Variants in PRELID2 observed in about 807,000 individuals in gnomAD.
PRELID2 encodes the protein PRELI domain-containing protein 2.
Under a neutral mutation model 28.4 loss-of-function variants are expected in PRELID2, and 25 were observed. The ratio of observed to expected loss-of-function variants is 0.88; its 90% confidence interval spans 0.64 to 1.23. The LOEUF (loss-of-function observed/expected upper bound fraction) is 1.23, where lower values mean the gene tolerates loss of function less well. PRELID2 is among the 50% of genes most tolerant of loss of function. PRELID2 has a pLI of 0.00. For missense variants in PRELID2, 201 were observed against 214.4 expected (o/e 0.94, Z 0.39); for synonymous variants, 76 against 71.6 (o/e 1.06, Z -0.31).
chr5:145,741,081 TAA>T (rs1267460548), intron 1 of PRELID2, among the ~76,000 whole-genome samples: 2 of 118,114 alleles, frequency 1.7e-5, no homozygotes, highest in African/African-American at 6.8e-5. Context: ...TATGTATAAA[TAA>T]AATAAATATA....
At chr5:145,352,991 A>C in the PRELID2 span, among the ~76,000 whole-genome samples, 1 of 152,152 alleles carries the variant, frequency 6.6e-6, no homozygotes, top group Admixed American at 6.5e-5. Flanking sequence ...GATTTTAGGA[A>C]GTTCCAAACT....
intron 1 of PRELID2, among the ~76,000 whole-genome samples, chr5:145,673,046 G>A (rs1297515364): frequency 1.3e-5 from 2 of 152,158 alleles, no homozygotes; most frequent in Non-Finnish European, 2.9e-5. Context: ...GAAATAGAGT[G>A]CCAGAAAAGC....
intron 1 of PRELID2, among the ~76,000 whole-genome samples, chr5:145,682,922 C>G (rs991746364): frequency 6.6e-6 from 1 of 152,154 alleles, no homozygotes; most frequent in Non-Finnish European, 1.5e-5. Flanking sequence ...ATTATAAGCA[C>G]AGTGTTACAT....
intron 1 of PRELID2, among the ~76,000 whole-genome samples, chr5:145,528,118 A>T (rs561819769): frequency 1.4e-4 from 21 of 152,136 alleles, no homozygotes. Context: ...CTCAGGAAAG[A>T]CTTCTTAGAC....
chr5:145,531,187 G>A (rs570097472), intron 1 of PRELID2, among the ~76,000 whole-genome samples: 4 of 152,070 alleles, frequency 2.6e-5, no homozygotes, highest in East Asian at 1.9e-4. Flanking sequence ...CATGCAGCCC[G>A]TGTGCATTGT....
chr5:145,584,650 A>ACCTAGCAGCTAGCACCT (rs373192393), intron 1 of PRELID2, among the ~76,000 whole-genome samples: 4,894 of 152,256 alleles, frequency 0.032, 241 homozygotes, highest in African/African-American at 0.11. Flanking sequence ...TTCTCAAAAG[A>ACCTAGCAGCTAGCACCT]AGACATTCAC....
At chr5:145,481,404 C>T (rs1228374563) in intron 1 of PRELID2, among the ~76,000 whole-genome samples, 1 of 151,556 alleles carries the variant, frequency 6.6e-6, no homozygotes, top group Non-Finnish European at 1.5e-5. Context: ...AACACAGAGA[C>T]CCTAAAACAA....
rs374015483 is a variant in PRELID2 at position 145,811,846 on chromosome 5, G to C, written c.368+6048C>G. Reference sequence around the variant, plus strand: ...AATATCCCTGTAATCATCTGCAGTAGTGAGTTTCCATTACTTCCAAAGCAA... The same window carrying C: ...AATATCCCTGTAATCATCTGCAGTACTGAGTTTCCATTACTTCCAAAGCAA... On this transcript the variant is annotated intron_variant, in intron 4 of 6. Transcript: ENST00000683046. 1.6e-4 allele frequency among the ~76,000 whole-genome samples: 25 copies of C among 152,302 alleles called. No individual in the cohort carries two copies. The East Asian group carries it at 4.2e-3, about 26-fold the overall frequency.
At chr5:145,273,981 C>T in the PRELID2 span, among the ~76,000 whole-genome samples, 1 of 152,010 alleles carries the variant, frequency 6.6e-6, no homozygotes, top group African/African-American at 2.4e-5. Flanking sequence ...GCATAGTGAA[C>T]GAGAGGGACA....
chr5:145,745,836 T>C (rs997518129), intron 1 of PRELID2, among the ~76,000 whole-genome samples: 2 of 148,798 alleles, frequency 1.3e-5, no homozygotes, highest in Non-Finnish European at 3.0e-5. Context: ...CACTCCACCC[T>C]GGGTGATAAG....
the PRELID2 span, among the ~76,000 whole-genome samples, chr5:145,406,008 A>G: frequency 0.013 from 1,902 of 152,118 alleles, 37 homozygotes; most frequent in African/African-American, 0.043. Context: ...GCCAGCTGGT[A>G]CCACACACTT....
At chr5:145,720,342 A>AT (rs966827489) in intron 1 of PRELID2, among the ~76,000 whole-genome samples, 11 of 151,832 alleles carry the variant, frequency 7.2e-5, no homozygotes, top group African/African-American at 2.7e-4. Context: ...TTAAAAAAAA[A>AT]ACCTCAGGTC....
the PRELID2 span, among the ~76,000 whole-genome samples, chr5:145,461,889 G>A: frequency 3.3e-5 from 5 of 152,250 alleles, no homozygotes; most frequent in South Asian, 1.0e-3. Flanking sequence ...ATATGACGAG[G>A]TTCAACCACT....
the PRELID2 span, among the ~76,000 whole-genome samples, chr5:145,437,946 A>G: frequency 6.6e-6 from 1 of 152,142 alleles, no homozygotes; most frequent in African/African-American, 2.4e-5. Flanking sequence ...TCTTTCCCCT[A>G]GAGCCATCCA....
At chr5:145,469,574 C>T (rs749711800), downstream of PRELID2, among the ~76,000 whole-genome samples, 4 of 152,018 alleles carry the variant, frequency 2.6e-5, no homozygotes, top group Non-Finnish European at 5.9e-5. Flanking sequence ...AGCTTGATGA[C>T]TCTATCCACA....
chr5:145,316,425 G>T, the PRELID2 span, among the ~76,000 whole-genome samples: 3 of 152,222 alleles, frequency 2.0e-5, no homozygotes, highest in South Asian at 6.2e-4. Context: ...AACTACACCT[G>T]GGGACTAGAT....
At chr5:145,295,335 T>C in the PRELID2 span, among the ~76,000 whole-genome samples, 1 of 152,288 alleles carries the variant, frequency 6.6e-6, no homozygotes, top group South Asian at 2.1e-4. Context: ...AGAATCATGG[T>C]AATATAATTT....
At chr5:145,410,663 C>A in the PRELID2 span, among the ~76,000 whole-genome samples, 26 of 152,078 alleles carry the variant, frequency 1.7e-4, no homozygotes, top group African/African-American at 6.0e-4. Context: ...ATGGGGGAAA[C>A]TGCCCCCATG....
the PRELID2 span, among the ~76,000 whole-genome samples, chr5:145,252,298 T>C: frequency 6.6e-6 from 1 of 152,156 alleles, no homozygotes; most frequent in South Asian, 2.1e-4. Flanking sequence ...TCTCTGGCCC[T>C]GTCTTAAACG....
Sources: allele counts gnomAD v4.1 joint callset (sites outside exome capture counted in the v4.1 genomes callset), GRCh38; gene constraint gnomAD v4.1.1; transcripts MANE v1.5; gene names NCBI Gene and HGNC (gene_info 2026-07-23, HGNC 2026-07-21).